DMGDH: variants seen among roughly 807,000 people sequenced by gnomAD.
DMGDH encodes the protein dimethylglycine dehydrogenase, mitochondrial.
A neutral mutation model predicts 95.2 loss-of-function variants in DMGDH; 76 were observed. The observed-to-expected ratio is 0.80, with a 90% CI of 0.66 to 0.97. The LOEUF is 0.97. Ranked by LOEUF, DMGDH falls within the 50% of genes least tolerant of loss-of-function variation. DMGDH has a pLI of 0.00. For missense variants in DMGDH, 987 were observed against 1,055.0 expected (o/e 0.94, Z 0.89); for synonymous variants, 345 against 377.6 (o/e 0.91, Z 1.00).
intron 11 of DMGDH, 86 bp downstream of exon 11, chr5:79,029,818 T>C: frequency 7.4e-7 from 1 of 1,353,178 alleles, no homozygotes; most frequent in Non-Finnish European, 1.0e-6. Context: ...AGTTGTACTT[T>C]CGAGTACTGG....
At chr5:79,067,864 T>C (rs998230101) in intron 1 of DMGDH, among the ~76,000 whole-genome samples, 2 of 152,230 alleles carry the variant, frequency 1.3e-5, no homozygotes, top group Non-Finnish European at 2.9e-5. Context: ...CATTTTTTGA[T>C]AGTTTGAAAT....
intron 7 of DMGDH, among the ~76,000 whole-genome samples, chr5:79,038,667 C>T (rs1334071858): frequency 6.6e-6 from 1 of 152,088 alleles, no homozygotes; most frequent in Non-Finnish European, 1.5e-5. Flanking sequence ...ATTCATAAAA[C>T]ATTTGAGATT....
rs1190656938 is a variant in DMGDH at position 79,054,227 on chromosome 5, G to C, written c.497C>G (p.Pro166Arg). 1 of 1,614,042 alleles carries C rather than the reference G, an allele frequency of 6.2e-7. No individual in the cohort carries two copies. The highest frequency in any genetic ancestry group is 1.1e-5 in the South Asian group (1 of 91,078). Residue 166 changes from proline (P) to arginine (R), a missense_variant, in exon 4 of 16, where the codon CCT becomes CGT. Coordinates refer to ENST00000255189, the MANE Select transcript of DMGDH (RefSeq NM_013391.3). ...AGGGAACATCTCTTGAATTTTTTCAGGTTCAATGAGATACTGTTCTGTTGC... is the reference window on the plus strand; with the variant it reads ...AGGGAACATCTCTTGAATTTTTTCACGTTCAATGAGATACTGTTCTGTTGC... ...WHATEQYLIE[P>R]EKIQEMFPLL... is the part of the protein sequence containing the mutation.
At chr5:79,048,795 C>G (rs1320902542) in intron 5 of DMGDH, among the ~76,000 whole-genome samples, 1 of 151,478 alleles carries the variant, frequency 6.6e-6, no homozygotes, top group African/African-American at 2.4e-5. Flanking sequence ...ACACACCCCT[C>G]CACACCTCCT....
chr5:79,019,727 A>G (rs1753816826), intron 14 of DMGDH, among the ~76,000 whole-genome samples: 1 of 152,162 alleles, frequency 6.6e-6, no homozygotes, highest in East Asian at 1.9e-4. Flanking sequence ...TCTACTAAAA[A>G]TACAAAAATC....
intron 7 of DMGDH, among the ~76,000 whole-genome samples, chr5:79,034,783 C>T (rs1754290395): frequency 6.6e-6 from 1 of 152,082 alleles, no homozygotes; most frequent in African/African-American, 2.4e-5. Flanking sequence ...TCAGGCCGGG[C>T]GCGATGTCTC....
At chr5:79,005,779 A>G (rs1188197955) in intron 14 of DMGDH, among the ~76,000 whole-genome samples, 1 of 152,214 alleles carries the variant, frequency 6.6e-6, no homozygotes, top group African/African-American at 2.4e-5. Context: ...ATTTCTACCT[A>G]TAGAAAGTCT....
chr5:79,030,608 T>TGCACTCCA (rs1297119406), intron 10 of DMGDH: 1 of 454,012 alleles, frequency 2.2e-6, no homozygotes, highest in Non-Finnish European at 3.8e-6. Context: ...ATCACACCAC[T>TGCACTCCA]GCACTCCAGC....
At chr5:79,013,635 G>T (rs1670744179) in intron 14 of DMGDH, among the ~76,000 whole-genome samples, 1 of 152,152 alleles carries the variant, frequency 6.6e-6, no homozygotes, top group Non-Finnish European at 1.5e-5. Context: ...AAAGAAAATA[G>T]ATTTAATTGG....
chr5:79,021,442 T>A (rs1753864399), intron 14 of DMGDH: 2 of 1,207,388 alleles, frequency 1.7e-6, no homozygotes, highest in African/African-American at 3.2e-5. Context: ...TACATGTGTA[T>A]CAACTTCACA....
intron 1 of DMGDH, among the ~76,000 whole-genome samples, chr5:79,065,219 CTTTTT>C (rs35123793): frequency 2.3e-5 from 3 of 129,638 alleles, no homozygotes; most frequent in Admixed American, 8.1e-5. Flanking sequence ...TTTTCTTTTC[CTTTTT>C]TTTTTTTTTT....
intron 7 of DMGDH, among the ~76,000 whole-genome samples, chr5:79,036,086 C>A (rs745537690): frequency 6.6e-6 from 1 of 152,200 alleles, no homozygotes; most frequent in Non-Finnish European, 1.5e-5. Context: ...AACCACCCTG[C>A]GCTTCATTCT....
chr5:79,012,355 G>A (rs1358235000), intron 14 of DMGDH, among the ~76,000 whole-genome samples: 1 of 152,218 alleles, frequency 6.6e-6, no homozygotes, highest in African/African-American at 2.4e-5. Context: ...TGCTTCTGTG[G>A]CTTTGCAGGG....
intron 6 of DMGDH, among the ~76,000 whole-genome samples, chr5:79,043,852 A>G (rs899558910): frequency 2.6e-5 from 4 of 152,226 alleles, no homozygotes; most frequent in Non-Finnish European, 5.9e-5. Flanking sequence ...TACAGTACCA[A>G]AAACCCTGCT....
At chr5:79,040,174 C>T (rs571000867) in intron 7 of DMGDH, among the ~76,000 whole-genome samples, 2 of 152,222 alleles carry the variant, frequency 1.3e-5, no homozygotes, top group Non-Finnish European at 2.9e-5. Context: ...TGGAACGGAT[C>T]CCTTAACCTG....
At chr5:79,019,893 T>C (rs936836069) in intron 14 of DMGDH, among the ~76,000 whole-genome samples, 18 of 151,924 alleles carry the variant, frequency 1.2e-4, no homozygotes, top group Admixed American at 3.3e-4. Flanking sequence ...TCAATAAAAA[T>C]AGTTAGATAG....
At chr5:79,000,921 G>A in intron 15 of DMGDH, 2 of 670,928 alleles carry the variant, frequency 3.0e-6, no homozygotes, top group South Asian at 1.8e-5. Flanking sequence ...ATAGACAGGT[G>A]GAGCTGTACC....
chr5:79,038,116 G>T (rs538693130), intron 7 of DMGDH, among the ~76,000 whole-genome samples: 1 of 152,198 alleles, frequency 6.6e-6, no homozygotes, highest in East Asian at 1.9e-4. Flanking sequence ...TTTTGAAAAA[G>T]AACAAAGTTG....
intron 15 of DMGDH, among the ~76,000 whole-genome samples, chr5:79,004,178 G>A (rs147092074): frequency 4.7e-4 from 72 of 152,230 alleles, no homozygotes; most frequent in African/African-American, 1.7e-3. Context: ...TCTTTAAAAT[G>A]GAAATGATCA....
Sources: gnomAD v4.1 joint callset for allele counts (sites outside exome capture counted in the v4.1 genomes callset) on GRCh38, gnomAD v4.1.1 for gene constraint, MANE v1.5 for transcripts, NCBI Gene and HGNC (gene_info 2026-07-23, HGNC 2026-07-21) for gene names.